CDON: variants seen among roughly 807,000 people sequenced by gnomAD.
CDON encodes the protein cell adhesion associated, oncogene regulated, also known as cell adhesion molecule-related/down-regulated by oncogenes.
A neutral mutation model predicts 120.9 loss-of-function variants in CDON; 73 were observed. That is an observed-to-expected ratio of 0.60 (90% CI 0.50 to 0.73). CDON has a LOEUF of 0.73. CDON is among the 30% of genes least tolerant of loss of function. The probability of loss-of-function intolerance (pLI) is 0.00; values close to 1 mark genes in which losing one functional copy is unlikely to be tolerated. For missense variants in CDON, 1,470 were observed against 1,587.3 expected (o/e 0.93, Z 1.26); for synonymous variants, 566 against 573.5 (o/e 0.99, Z 0.19).
chr11:126,055,035 T>G (rs1948650605), intron 1 of CDON, among the ~76,000 whole-genome samples: 1 of 152,156 alleles, frequency 6.6e-6, no homozygotes, highest in African/African-American at 2.4e-5. Flanking sequence ...AGTGAGCAAT[T>G]CAGGGACTTT....
chr11:126,061,293 T>G (rs547754137), intron 1 of CDON, among the ~76,000 whole-genome samples: 7 of 152,348 alleles, frequency 4.6e-5, no homozygotes, highest in African/African-American at 1.7e-4. Flanking sequence ...AACATGTGCA[T>G]AACAGAGACT....
Position 126,015,513 on chromosome 11 carries a change from G to A in CDON, c.929-3C>T. 1.9e-6 allele frequency: 3 copies of A among 1,613,632 alleles called. No individual in the cohort carries two copies. Among genetic ancestry groups the A allele is most frequent in the Non-Finnish European group, 2.5e-6 (3 of 1,179,704 alleles). ...TCCTTTAGAAATGGAAGCATGTTCT[G>A]AAAATAAAACACACAAATTAAACTC... On this transcript the variant is annotated splice_region_variant and splice_polypyrimidine_tract_variant and intron_variant, in intron 6 of 19. Transcript: ENST00000531738.
At chr11:126,039,509 A>G in intron 1 of CDON, among the ~76,000 whole-genome samples, 1 of 152,198 alleles carries the variant, frequency 6.6e-6, no homozygotes, top group Middle Eastern at 3.2e-3. Flanking sequence ...CGAATATAAA[A>G]CCTTCATTAA....
chr11:125,996,391 T>G (rs541062436), intron 12 of CDON, among the ~76,000 whole-genome samples: 1 of 152,030 alleles, frequency 6.6e-6, no homozygotes, highest in Non-Finnish European at 1.5e-5. Context: ...ATGGGGAATA[T>G]TGGATAATAA....
At chr11:126,007,674 C>T (rs535591064) in intron 8 of CDON, among the ~76,000 whole-genome samples, 1 of 152,276 alleles carries the variant, frequency 6.6e-6, no homozygotes, top group African/African-American at 2.4e-5. Context: ...AACGTTAATG[C>T]TGCAGCTTCT....
At chr11:126,049,999 C>T (rs1489784123) in intron 1 of CDON, among the ~76,000 whole-genome samples, 5 of 152,074 alleles carry the variant, frequency 3.3e-5, no homozygotes, top group African/African-American at 1.2e-4. Flanking sequence ...AAGTATTCTG[C>T]CTGCTCTAAA....
chr11:125,999,054 T>A (rs1009133786), intron 11 of CDON, among the ~76,000 whole-genome samples: 12 of 152,114 alleles, frequency 7.9e-5, no homozygotes, highest in African/African-American at 2.7e-4. Flanking sequence ...CTGTAGCATT[T>A]AAAAAAAATA....
At chr11:125,987,758 C>T (rs1946510482) in intron 15 of CDON, among the ~76,000 whole-genome samples, 1 of 152,094 alleles carries the variant, frequency 6.6e-6, no homozygotes, top group Admixed American at 6.5e-5. Context: ...AACTTTACTC[C>T]AAGTATCCCA....
chr11:125,992,151 C>G (rs1946646834), intron 14 of CDON, among the ~76,000 whole-genome samples: 1 of 152,038 alleles, frequency 6.6e-6, no homozygotes, highest in African/African-American at 2.4e-5. Flanking sequence ...TCAAAAAATT[C>G]TTAAAATAAA....
chr11:126,002,385 G>A (rs1946970837), intron 10 of CDON, among the ~76,000 whole-genome samples: 1 of 152,188 alleles, frequency 6.6e-6, no homozygotes, highest in East Asian at 1.9e-4. Flanking sequence ...ATTTAAGATA[G>A]AAAGTACTCG....
chr11:126,024,930 C>A (rs1338050877), intron 1 of CDON, among the ~76,000 whole-genome samples: 1 of 152,118 alleles, frequency 6.6e-6, no homozygotes. Flanking sequence ...CTAGGCTGGG[C>A]ACGGTGGCTC....
chr11:125,997,140 A>AT, intron 12 of CDON, 67 bp downstream of exon 12: 1 of 1,259,344 alleles, frequency 7.9e-7, no homozygotes, highest in Non-Finnish European at 1.1e-6. Flanking sequence ...ACCCTGTCTC[A>AT]AAATATATAA....
chr11:126,043,932 G>A (rs765666181), intron 1 of CDON, among the ~76,000 whole-genome samples: 4 of 152,188 alleles, frequency 2.6e-5, no homozygotes, highest in East Asian at 1.9e-4. Flanking sequence ...TTGATCCAGC[G>A]AAGTCCGGAA....
intron 18 of CDON, among the ~76,000 whole-genome samples, chr11:125,976,226 C>A (rs993391725): frequency 2.6e-5 from 4 of 152,064 alleles, no homozygotes; most frequent in African/African-American, 9.7e-5. Context: ...TTTAATAATT[C>A]AAATTTTCTA....
chr11:126,023,534 T>G lies in CDON; in HGVS notation c.-58A>C, dbSNP rs1947698482. 3 of 1,238,112 alleles carry G rather than the reference T, an allele frequency of 2.4e-6. No individual in the cohort carries two copies. Among genetic ancestry groups the G allele is most frequent in the African/African-American group, 3.0e-5 (2 of 67,432 alleles). The allele number at this position is 1,238,112 out of a possible 1,614,324, so 76.7% of individuals were successfully genotyped here. A position where few individuals can be genotyped will look rare whatever the true frequency, so the allele number is the denominator to read the frequency against. On this transcript the variant is annotated 5_prime_UTR_variant, in exon 2 of 20. Transcript: ENST00000531738. ...TTCCAGAGCAAAACCCAGTCCTTGG[T>G]TCACTAAAAAAGAAAAAGGAAAGAA...
Position 125,978,388 on chromosome 11 carries a change from A to T in CDON, c.3277-5T>A. ...GGCCGTGTACATTCCACCACCCTGG[A>T]CAGGAAGGAGTGTCAGAGAAAAAGA... On this transcript the variant is annotated splice_region_variant and splice_polypyrimidine_tract_variant and intron_variant, in intron 17 of 19. Coordinates refer to ENST00000531738, the MANE Select transcript of CDON (RefSeq NM_001378964.1). The T allele has an allele frequency of 6.3e-7, 1 of 1,588,556 alleles. No individual in the cohort carries two copies. Among genetic ancestry groups the T allele is most frequent in the Non-Finnish European group, 8.6e-7 (1 of 1,159,832 alleles).
At chr11:126,051,951 C>A (rs942047240) in intron 1 of CDON, among the ~76,000 whole-genome samples, 1 of 151,960 alleles carries the variant, frequency 6.6e-6, no homozygotes, top group Admixed American at 6.6e-5. Flanking sequence ...ACCTGGCCAA[C>A]AATAGCTCTT....
intron 17 of CDON, among the ~76,000 whole-genome samples, chr11:125,979,177 T>C (rs961340356): frequency 6.6e-6 from 1 of 152,220 alleles, no homozygotes; most frequent in Non-Finnish European, 1.5e-5. Context: ...GCTGTCACAC[T>C]GCACCCAAAC....
Position 126,001,809 on chromosome 11 carries a change from G to A in CDON, c.2068C>T (p.Pro690Ser), listed in dbSNP as rs1946953354. Residue 690 changes from proline (P) to serine (S), a missense_variant, in exon 11 of 20, where the codon CCC becomes TCC. Coordinates refer to ENST00000531738, the MANE Select transcript of CDON (RefSeq NM_001378964.1). ...SSKNTQASSP[P>S]VGIPKYPVVS... ...ACGGGATACTTAGGGATGCCCACGG[G>A]TGGAGAGGATGCCTGGGTGTTTTTT... 5.6e-6 allele frequency: 9 copies of A among 1,610,592 alleles called. No individual in the cohort carries two copies. The highest frequency in any genetic ancestry group is 7.6e-6 in the Non-Finnish European group (9 of 1,176,862).
Sources: gnomAD v4.1 joint callset for allele counts (sites outside exome capture counted in the v4.1 genomes callset) on GRCh38, gnomAD v4.1.1 for gene constraint, MANE v1.5 for transcripts, NCBI Gene and HGNC (gene_info 2026-07-23, HGNC 2026-07-21) for gene names.